KPNA3: variants seen among roughly 807,000 people sequenced by gnomAD.
KPNA3 encodes the protein importin subunit alpha-4.
In KPNA3, 13 loss-of-function variants were observed where a neutral mutation model predicts 73.8. That is an observed-to-expected ratio of 0.18 (90% CI 0.11 to 0.28). The LOEUF (loss-of-function observed/expected upper bound fraction) is 0.28, where lower values mean the gene tolerates loss of function less well. KPNA3 is among the 10% of genes least tolerant of loss of function. The pLI is 1.00. For synonymous variants in KPNA3, 186 were observed against 206.9 expected, an observed-to-expected ratio of 0.90 and a Z score of 0.87; for missense variants, 360 against 618.1, an observed-to-expected ratio of 0.58 and a Z score of 4.43.
chr13:49,760,683 C>T (rs1414685326), intron 1 of KPNA3, among the ~76,000 whole-genome samples: 8 of 152,136 alleles, frequency 5.3e-5, no homozygotes, highest in African/African-American at 1.9e-4. Flanking sequence ...GCACTGAGCT[C>T]GTCCCTCTTC....
At chr13:49,755,897 C>A (rs1954706939) in intron 1 of KPNA3, among the ~76,000 whole-genome samples, 1 of 152,176 alleles carries the variant, frequency 6.6e-6, no homozygotes, top group African/African-American at 2.4e-5. Flanking sequence ...GTGAGTTCAA[C>A]AATGTCACAG....
intron 1 of KPNA3, among the ~76,000 whole-genome samples, chr13:49,768,449 G>C (rs1243453117): frequency 6.6e-6 from 1 of 151,524 alleles, no homozygotes; most frequent in East Asian, 1.9e-4. Flanking sequence ...CAATTTAAAT[G>C]TATCATAATG....
rs1219502954 is a variant in KPNA3, at chr13:49,732,731, T to G, written c.234+16A>C. 6.3e-7 allele frequency: 1 copy of G among 1,587,798 alleles called. No individual in the cohort carries two copies. The highest frequency in any genetic ancestry group is 2.2e-5 in the East Asian group (1 of 44,708). Reference sequence around the variant, plus strand: ...TCAAAATACTTCAAAACGAGAGTATTAATTTAGTAACATACCTGCAATATA... The same window carrying G: ...TCAAAATACTTCAAAACGAGAGTATGAATTTAGTAACATACCTGCAATATA... On this transcript the variant is annotated intron_variant, in intron 4 of 16. Transcript: ENST00000261667.
chr13:49,722,620 T>C, intron 7 of KPNA3, 57 bp from the exon 8 acceptor site: 1 of 1,115,970 alleles, frequency 9.0e-7, no homozygotes, highest in African/African-American at 1.6e-5. Flanking sequence ...GTTTACAGAT[T>C]TCAGATCAAA....
At chr13:49,733,824 G>A (rs1227002606) in intron 2 of KPNA3, among the ~76,000 whole-genome samples, 2 of 152,274 alleles carry the variant, frequency 1.3e-5, no homozygotes, top group South Asian at 2.1e-4. Flanking sequence ...ATAAGACTGT[G>A]TGGACAACAA....
chr13:49,731,472 A>T (rs1954469159), intron 6 of KPNA3, among the ~76,000 whole-genome samples: 1 of 152,146 alleles, frequency 6.6e-6, no homozygotes, highest in African/African-American at 2.4e-5. Context: ...ATAGTATTTT[A>T]AAAAGTGTTA....
chr13:49,722,341 C>T, intron 8 of KPNA3, 136 bp downstream of exon 8: 1 of 678,880 alleles, frequency 1.5e-6, no homozygotes, highest in East Asian at 2.7e-5. Flanking sequence ...AGAGCATCAT[C>T]TTAAGTCAGT....
At chr13:49,752,004 T>TC (rs1954667212) in intron 1 of KPNA3, among the ~76,000 whole-genome samples, 1 of 152,124 alleles carries the variant, frequency 6.6e-6, no homozygotes, top group Non-Finnish European at 1.5e-5. Context: ...AGCTACAGGA[T>TC]TCATATGCAT....
At chr13:49,758,767 T>C (rs570906112) in intron 1 of KPNA3, among the ~76,000 whole-genome samples, 110 of 152,266 alleles carry the variant, frequency 7.2e-4, no homozygotes, top group African/African-American at 1.3e-3. Flanking sequence ...CACACACATA[T>C]GTTTATATAC....
At chr13:49,716,960 C>CAA (rs1299012783) in intron 10 of KPNA3, among the ~76,000 whole-genome samples, 1 of 151,766 alleles carries the variant, frequency 6.6e-6, no homozygotes, top group Non-Finnish European at 1.5e-5. Flanking sequence ...CACTGAGGAA[C>CAA]AACAAGTTCC....
intron 1 of KPNA3, among the ~76,000 whole-genome samples, chr13:49,773,753 A>G (rs1398460703): frequency 6.6e-6 from 1 of 152,188 alleles, no homozygotes; most frequent in Non-Finnish European, 1.5e-5. Flanking sequence ...GAAGTCTACT[A>G]GGCAGAAGAA....
chr13:49,764,070 A>AG (rs1954790217), intron 1 of KPNA3, among the ~76,000 whole-genome samples: 1 of 149,910 alleles, frequency 6.7e-6, no homozygotes, highest in Non-Finnish European at 1.5e-5. Context: ...CTGTCTCAAA[A>AG]AAAAAAAAAA....
rs544104101 is a variant in KPNA3, at chr13:49,737,182, T to C, written c.115-4136A>G. Reference sequence around the variant, plus strand: ...TATAGACATGCATGTACAGATTTCATATGAATACAAATCTTCCTTTCTCTG... The same window carrying C: ...TATAGACATGCATGTACAGATTTCACATGAATACAAATCTTCCTTTCTCTG... On this transcript the variant is annotated intron_variant, in intron 2 of 16. Coordinates refer to ENST00000261667, the MANE Select transcript of KPNA3 (RefSeq NM_002267.4). Among the ~76,000 whole-genome samples the C allele has an allele frequency of 1.4e-4, 21 of 152,346 alleles. No individual in the cohort carries two copies. In the East Asian group the frequency reaches 3.3e-3, roughly 24 times the overall value.
rs199793657 is a variant in KPNA3 at position 49,737,548 on chromosome 13, TAA to T, written c.115-4504_115-4503del. 9.3e-3 allele frequency among the ~76,000 whole-genome samples: 1,386 copies of T among 149,446 alleles called. 18 individuals are homozygous for T. The highest frequency in any genetic ancestry group is 0.032 in the African/African-American group (1,298 of 40,262). On this transcript the variant is annotated intron_variant, in intron 2 of 16. Coordinates refer to ENST00000261667, the MANE Select transcript of KPNA3 (RefSeq NM_002267.4). Reference sequence around the variant, plus strand: ...AGACTGTTTTGTTTTTTCTTACTATTAAGTGTGTGTGTCTGTGTGTGTGTGTG... The same window carrying T: ...AGACTGTTTTGTTTTTTCTTACTATTGTGTGTGTGTCTGTGTGTGTGTGTG...
chr13:49,735,903 C>T (rs1594442906), intron 2 of KPNA3, among the ~76,000 whole-genome samples: 1 of 152,236 alleles, frequency 6.6e-6, no homozygotes, highest in Non-Finnish European at 1.5e-5. Context: ...TTATTAAACT[C>T]TATATAAAGT....
intron 10 of KPNA3, among the ~76,000 whole-genome samples, chr13:49,718,481 A>T (rs967379668): frequency 6.6e-6 from 1 of 152,206 alleles, no homozygotes; most frequent in Admixed American, 6.5e-5. Flanking sequence ...TTATTTGCCT[A>T]TAATTAATTC....
At chr13:49,792,248 G>C (rs1225549945) in intron 1 of KPNA3, among the ~76,000 whole-genome samples, 190 bp downstream of exon 1, 2 of 151,566 alleles carry the variant, frequency 1.3e-5, no homozygotes, top group African/African-American at 4.8e-5. Flanking sequence ...GCAGCTCCGG[G>C]GGGTGACTGC....
At chr13:49,706,974 C>A (rs1191668499) in intron 12 of KPNA3, among the ~76,000 whole-genome samples, 1 of 152,150 alleles carries the variant, frequency 6.6e-6, no homozygotes, top group Non-Finnish European at 1.5e-5. Context: ...TGGTCTCGAT[C>A]TCCTGACCTC....
chr13:49,742,570 G>A (rs1954583303), intron 2 of KPNA3, among the ~76,000 whole-genome samples: 1 of 150,752 alleles, frequency 6.6e-6, no homozygotes, highest in East Asian at 1.9e-4. Context: ...ATTCTTTTAA[G>A]ATTGCTTTGG....
Sources: allele counts gnomAD v4.1 joint callset (sites outside exome capture counted in the v4.1 genomes callset), GRCh38; gene constraint gnomAD v4.1.1; transcripts MANE v1.5; gene names NCBI Gene and HGNC (gene_info 2026-07-23, HGNC 2026-07-21).